The following LRRK1 variants were observed in gnomAD, a reference collection of about 807,000 sequenced individuals.
The protein encoded by LRRK1 is leucine rich repeat kinase 1, also known as leucine-rich repeat serine/threonine-protein kinase 1.
Under a neutral mutation model 209.1 loss-of-function variants are expected in LRRK1, and 113 were observed. The ratio of observed to expected loss-of-function variants is 0.54; its 90% CI spans 0.46 to 0.63. LRRK1 has a LOEUF of 0.63. Among genes scored for constraint, LRRK1 ranks in the 30% least tolerant of loss-of-function variants. The pLI is 0.00. For synonymous variants in LRRK1, 1,144 were observed against 1,099.7 expected, an observed-to-expected ratio of 1.04 and a Z score of -0.80; for missense variants, 2,284 against 2,632.2, an observed-to-expected ratio of 0.87 and a Z score of 2.89.
Position 101,074,238 on chromosome 15 carries a change from G to T in LRRK1, c.*5390G>T, listed in dbSNP as rs1037269835. 1 of 152,044 alleles carries T rather than the reference G, an allele frequency of 6.6e-6. No individual in the cohort carries two copies. Among genetic ancestry groups the T allele is most frequent in the East Asian group, 1.9e-4 (1 of 5,178 alleles). 9.4% of individuals were successfully genotyped at this position (152,044 alleles called of 1,614,324 possible). A position where few individuals can be genotyped will look rare whatever the true frequency, so the allele number is the denominator to read the frequency against. On this transcript the variant is annotated 3_prime_UTR_variant, in exon 34 of 34. Coordinates refer to ENST00000388948, the MANE Select transcript of LRRK1 (RefSeq NM_024652.6). ...GGCTGCTCCTTGCCAGGCCGAGCTA[G>T]GTCCCAATTCTTCCTCAGCCTCCGC...
chr15:101,029,287 G>A, intron 20 of LRRK1, 55 bp downstream of exon 20: 1 of 1,527,674 alleles, frequency 6.5e-7, no homozygotes, highest in South Asian at 1.3e-5. Context: ...GAAAGAGGGA[G>A]TTGGGGTCTG....
Position 101,070,544 on chromosome 15 carries a change from G to T in LRRK1, c.*1696G>T, listed in dbSNP as rs1280578381. ...CCCCAAGCTTTTGCTTTGGCATCAC[G>T]CGAGGCCAGGCTGCTTTGCAGGCAC... On this transcript the variant is annotated 3_prime_UTR_variant, in exon 34 of 34. Transcript: ENST00000388948. 1 of 151,902 alleles carries T rather than the reference G, an allele frequency of 6.6e-6. No homozygotes were observed. Among genetic ancestry groups the T allele is most frequent in the African/African-American group, 2.4e-5 (1 of 41,314 alleles). The allele number at this position is 151,902 out of a possible 1,614,324, so 9.4% of individuals were successfully genotyped here.
At chr15:100,969,937 G>A (rs2030752767) in intron 2 of LRRK1, among the ~76,000 whole-genome samples, 2 of 150,330 alleles carry the variant, frequency 1.3e-5, no homozygotes. Flanking sequence ...TGACTAGGCT[G>A]AAGTGCAGTG....
intron 13 of LRRK1, 62 bp from the exon 14 acceptor site, chr15:101,021,767 CGTGTGTGCGTGTGTGT>C (rs1567238567): frequency 6.7e-6 from 6 of 901,488 alleles, no homozygotes; most frequent in South Asian, 1.6e-5. Context: ...ACAGGAGCCA[CGTGTGTGCGTGTGTGT>C]GTGTGTGTGT....
intron 31 of LRRK1, chr15:101,065,107 C>T (rs1184009762): frequency 5.3e-6 from 3 of 567,680 alleles, no homozygotes; most frequent in Admixed American, 6.3e-5. Context: ...GTGCCACAGG[C>T]CCTGCCTCTG....
chr15:100,990,507 A>G (rs2032106592), intron 6 of LRRK1, among the ~76,000 whole-genome samples: 1 of 152,168 alleles, frequency 6.6e-6, no homozygotes, highest in African/African-American at 2.4e-5. Flanking sequence ...CTCAGCCAGC[A>G]AGCAGTAGGC....
intron 3 of LRRK1, among the ~76,000 whole-genome samples, chr15:100,982,360 G>C (rs1283675947): frequency 6.6e-6 from 1 of 152,212 alleles, no homozygotes; most frequent in Non-Finnish European, 1.5e-5. Context: ...GCAGCTATCT[G>C]AGCATCCTTT....
At chr15:100,924,862 A>G in intron 2 of LRRK1, 133 bp downstream of exon 2, 5 of 608,518 alleles carry the variant, frequency 8.2e-6, no homozygotes, top group Non-Finnish European at 1.5e-5. Context: ...GTGCTCTTTC[A>G]TCATATAATA....
intron 29 of LRRK1, among the ~76,000 whole-genome samples, chr15:101,060,800 C>T (rs1279456917): frequency 6.6e-6 from 1 of 152,200 alleles, no homozygotes; most frequent in African/African-American, 2.4e-5. Flanking sequence ...ACCCAATCTC[C>T]TCTGGAATTC....
intron 2 of LRRK1, among the ~76,000 whole-genome samples, chr15:100,952,098 C>T (rs375263224): frequency 1.1e-4 from 16 of 152,096 alleles, no homozygotes; most frequent in Admixed American, 5.2e-4. Context: ...TATTATTCCA[C>T]GTATATGACA....
At chr15:100,925,101 G>T (rs989000844) in intron 2 of LRRK1, among the ~76,000 whole-genome samples, 1 of 151,960 alleles carries the variant, frequency 6.6e-6, no homozygotes. Flanking sequence ...CCAGAATCCC[G>T]CTATCTCAAA....
Position 100,989,347 on chromosome 15 carries a change from A to G in LRRK1, c.711A>G (p.Arg237=), listed in dbSNP as rs1219798573. ...DSPDPSKHLL[R]KYFIEASPLP... ...CTGACCCCAGCAAACATCTGCTGAGAAAGTACTTCATTGAAGCCAGTCCCT... is the reference window on the plus strand; with the variant it reads ...CTGACCCCAGCAAACATCTGCTGAGGAAGTACTTCATTGAAGCCAGTCCCT... Residue 237 remains arginine, a synonymous_variant, in exon 6 of 34, where the codon AGA becomes AGG. Coordinates refer to ENST00000388948, the MANE Select transcript of LRRK1 (RefSeq NM_024652.6). 1 of 1,614,272 alleles carries G rather than the reference A, an allele frequency of 6.2e-7. No individual in the cohort carries two copies. The highest frequency in any genetic ancestry group is 1.1e-5 in the South Asian group (1 of 91,088).
intron 2 of LRRK1, among the ~76,000 whole-genome samples, chr15:100,941,222 C>CTG (rs1189492122): frequency 7.6e-6 from 1 of 131,344 alleles, no homozygotes; most frequent in East Asian, 2.2e-4. Context: ...CTGTATGTGT[C>CTG]TGTGTGTGTG....
chr15:100,978,951 C>T (rs566798050), intron 3 of LRRK1, among the ~76,000 whole-genome samples: 9 of 152,156 alleles, frequency 5.9e-5, no homozygotes, highest in Admixed American at 3.9e-4. Flanking sequence ...AAGAAAAGTA[C>T]GGACCAATGC....
At chr15:100,978,312 G>T (rs1384196507) in intron 3 of LRRK1, among the ~76,000 whole-genome samples, 1 of 152,154 alleles carries the variant, frequency 6.6e-6, no homozygotes, top group African/African-American at 2.4e-5. Context: ...TAGACAGAAG[G>T]CAAGACTGAA....
At position 101,054,995 on chromosome 15, in the gene LRRK1, C is replaced by T; in HGVS notation, c.4104C>T (p.Tyr1368=). The change falls in exon 27 of 34, where the codon TAC becomes TAT. Residue 1368 remains tyrosine (Y), a synonymous_variant. Transcript: ENST00000388948. ...LGHMLTQKIA[Y]QIASGLAYLH... ...ACATGCTCACCCAAAAAATAGCCTA[C>T]CAGATCGCCTCGGGCCTGGCCTACC... is the stretch of plus-strand genomic sequence containing the variant. The T allele has an allele frequency of 6.2e-7, 1 of 1,613,902 alleles. No homozygotes were observed. Among genetic ancestry groups the T allele is most frequent in the Non-Finnish European group, 8.5e-7 (1 of 1,179,928 alleles).
At chr15:101,015,115 G>A (rs1052349886) in intron 11 of LRRK1, among the ~76,000 whole-genome samples, 1 of 152,160 alleles carries the variant, frequency 6.6e-6, no homozygotes, top group Non-Finnish European at 1.5e-5. Context: ...GCAGTATCAC[G>A]GTGGAACTTG....
At position 101,051,970 on chromosome 15, in the gene LRRK1, G is replaced by A. The variant is rs374424363; in HGVS notation, c.3689+10G>A. On this transcript the variant is annotated intron_variant, in intron 24 of 33. Transcript: ENST00000388948. ...CCGACTTCCCGGCCAGGTATGCCCCGAAGGCCCCTCCCAGAACACAGTGCA... is the reference window on the plus strand; with the variant it reads ...CCGACTTCCCGGCCAGGTATGCCCCAAAGGCCCCTCCCAGAACACAGTGCA... The A allele has an allele frequency of 1.6e-5, 26 of 1,611,092 alleles. 1 individual carries two copies. Among genetic ancestry groups the A allele is most frequent in the African/African-American group, 8.0e-5 (6 of 75,028 alleles).
chr15:101,011,983 T>G, intron 9 of LRRK1, 25 bp from the exon 10 acceptor site: 1 of 1,493,554 alleles, frequency 6.7e-7, no homozygotes, highest in Non-Finnish European at 9.1e-7. Flanking sequence ...CTAATATACA[T>G]TTTTTTTTCT....
Sources: allele counts gnomAD v4.1 joint callset (sites outside exome capture counted in the v4.1 genomes callset), GRCh38; gene constraint gnomAD v4.1.1; transcripts MANE v1.5; gene names NCBI Gene and HGNC (gene_info 2026-07-23, HGNC 2026-07-21).